The following ITGA1 variants were observed in gnomAD, a reference collection of about 807,000 sequenced individuals.
The protein encoded by ITGA1 is integrin alpha-1.
Under a neutral mutation model 145.9 loss-of-function variants are expected in ITGA1, and 85 were observed. That is an observed-to-expected ratio of 0.58 (90% CI 0.49 to 0.70). The LOEUF is 0.70. Ranked by LOEUF, ITGA1 falls within the 30% of genes least tolerant of loss-of-function variation. The pLI, the probability that ITGA1 is intolerant of heterozygous loss-of-function variation, is 0.00. For synonymous variants in ITGA1, 520 were observed against 495.3 expected, an observed-to-expected ratio of 1.05 and a Z score of -0.66; for missense variants, 1,351 against 1,418.7, an observed-to-expected ratio of 0.95 and a Z score of 0.77.
Position 52,905,833 on chromosome 5 carries a change from TCA to T in ITGA1, c.1381_1382del (p.His461TyrfsTer37). 1 of 1,613,744 alleles carries T rather than the reference TCA, an allele frequency of 6.2e-7. No homozygotes were observed. The highest frequency in any genetic ancestry group is 1.3e-5 in the African/African-American group (1 of 74,994). The part of the protein sequence containing the change: ...LYIAGQPRYN[H>X]TGQVIIYRME... ...ATATTGCTGGACAGCCTCGGTACAA[TCA>T]TACAGGCCAGGTCATTATCTACAGG... On this transcript the variant is annotated frameshift_variant, in exon 12 of 29. Transcript: ENST00000282588. LOFTEE classifies it high-confidence loss of function.
chr5:52,832,467 A>G (rs1179470821), intron 1 of ITGA1, among the ~76,000 whole-genome samples: 1 of 152,178 alleles, frequency 6.6e-6, no homozygotes, highest in Non-Finnish European at 1.5e-5. Context: ...GGAAGGGTCA[A>G]ATTAAATAAT....
chr5:52,830,161 A>C (rs569654910), intron 1 of ITGA1, among the ~76,000 whole-genome samples: 15 of 152,318 alleles, frequency 9.8e-5, no homozygotes, highest in Non-Finnish European at 1.6e-4. Context: ...ATCAGAACAC[A>C]TGAATTTAAA....
At chr5:52,834,988 A>G (rs1749141836) in intron 1 of ITGA1, among the ~76,000 whole-genome samples, 1 of 152,176 alleles carries the variant, frequency 6.6e-6, no homozygotes, top group Non-Finnish European at 1.5e-5. Flanking sequence ...AGGATAAAAG[A>G]GAAAGTAGAA....
intron 11 of ITGA1, 190 bp from the exon 12 acceptor site, chr5:52,905,573 G>A (rs1387552064): frequency 7.7e-6 from 3 of 391,590 alleles, no homozygotes; most frequent in Admixed American, 4.2e-5. Flanking sequence ...GGAGAAAGCA[G>A]TTGTGGTAGA....
chr5:52,818,471 C>G (rs1376894734), intron 1 of ITGA1, among the ~76,000 whole-genome samples: 1 of 152,182 alleles, frequency 6.6e-6, no homozygotes, highest in African/African-American at 2.4e-5. Context: ...TATCACTTAC[C>G]TGACAGCATC....
chr5:52,904,782 G>A (rs1212949961), intron 11 of ITGA1: 1 of 151,702 alleles, frequency 6.6e-6, no homozygotes, highest in Non-Finnish European at 1.5e-5. Context: ...GAACCCGGGA[G>A]GCGGAGCTTG....
chr5:52,814,375 T>G (rs1019501074), intron 1 of ITGA1, among the ~76,000 whole-genome samples: 1 of 152,066 alleles, frequency 6.6e-6, no homozygotes, highest in Non-Finnish European at 1.5e-5. Flanking sequence ...TAACCTCAGG[T>G]GATCTGCCTA....
Position 52,918,828 on chromosome 5 carries a change from A to C in ITGA1, c.2085A>C (p.Thr695=), listed in dbSNP as rs1361984581. 6.2e-7 allele frequency: 1 copy of C among 1,613,156 alleles called. No homozygotes were observed. Residue 695 remains threonine (T), a synonymous_variant, in exon 16 of 29, where the codon ACA becomes ACC. Transcript: ENST00000282588. ...ACTGCCATATGGAGGGAAAGGAAAC[A>C]GTATGCATAAATGCTACAGTGTGTT... ...KKNCHMEGKE[T]VCINATVCFD...
At chr5:52,912,755 T>TATA (rs67230011) in intron 14 of ITGA1, among the ~76,000 whole-genome samples, 2 of 125,786 alleles carry the variant, frequency 1.6e-5, no homozygotes, top group Non-Finnish European at 3.0e-5. Flanking sequence ...TATATATATA[T>TATA]TTTTTTTTTG....
chr5:52,807,930 T>C (rs1026090837), intron 1 of ITGA1, among the ~76,000 whole-genome samples: 2 of 152,188 alleles, frequency 1.3e-5, no homozygotes, highest in African/African-American at 4.8e-5. Context: ...CCCCTGGGTA[T>C]GCAAGGATGA....
At position 52,947,839 on chromosome 5, in the gene ITGA1, C is replaced by T. The variant is rs140878671; in HGVS notation, c.3495+378C>T. On this transcript the variant is annotated intron_variant, in intron 28 of 28. Transcript: ENST00000282588. Reference sequence around the variant, plus strand: ...TTATAGAGAAAGAAAAAATGAATTCCTATGTCAATTTAAGGATATATAAGC... The same window carrying T: ...TTATAGAGAAAGAAAAAATGAATTCTTATGTCAATTTAAGGATATATAAGC... Among the ~76,000 whole-genome samples, 208 of 151,964 alleles carry T rather than the reference C, an allele frequency of 1.4e-3. 1 individual carries two copies. Among genetic ancestry groups the T allele is most frequent in the African/African-American group, 4.8e-3 (201 of 41,466 alleles).
At chr5:52,920,009 T>C (rs1750707666) in intron 16 of ITGA1, among the ~76,000 whole-genome samples, 1 of 152,172 alleles carries the variant, frequency 6.6e-6, no homozygotes, top group Non-Finnish European at 1.5e-5. Flanking sequence ...AAGAATGTTT[T>C]AAGTGAAAAT....
At position 52,955,197 on chromosome 5, in the gene ITGA1, A is replaced by G. The variant is rs887897499; in HGVS notation, c.*2746A>G. The G allele has an allele frequency of 3.3e-5, 5 of 152,060 alleles. No individual in the cohort carries two copies. Among genetic ancestry groups the G allele is most frequent in the Admixed American group, 1.3e-4 (2 of 15,244 alleles). 9.4% of individuals were successfully genotyped at this position (152,060 alleles called of 1,614,324 possible). On this transcript the variant is annotated 3_prime_UTR_variant, in exon 29 of 29. Transcript: ENST00000282588. ...AGTCTCTGATTTGTATCATTTGCCAATTTCCATGGTCCAAATATTCTCTCT... is the reference window on the plus strand; with the variant it reads ...AGTCTCTGATTTGTATCATTTGCCAGTTTCCATGGTCCAAATATTCTCTCT...
At chr5:52,938,395 T>C (rs1182695387) in intron 24 of ITGA1, among the ~76,000 whole-genome samples, 4 of 152,218 alleles carry the variant, frequency 2.6e-5, no homozygotes, top group Admixed American at 1.3e-4. Flanking sequence ...AATTAATGTG[T>C]GCATGATGTC....
At chr5:52,929,547 A>G in intron 20 of ITGA1, 78 bp from the exon 21 acceptor site, 1 of 726,632 alleles carries the variant, frequency 1.4e-6, no homozygotes, top group Middle Eastern at 3.6e-4. Flanking sequence ...AGTTTAGGTA[A>G]TGTCATTTAT....
At chr5:52,875,335 G>T (rs1257862402) in intron 6 of ITGA1, among the ~76,000 whole-genome samples, 3 of 151,474 alleles carry the variant, frequency 2.0e-5, no homozygotes, top group Non-Finnish European at 4.4e-5. Context: ...CAGAAAATAT[G>T]ATTGTAAATC....
chr5:52,841,359 G>T (rs1281189409), intron 1 of ITGA1, among the ~76,000 whole-genome samples: 2 of 152,112 alleles, frequency 1.3e-5, no homozygotes, highest in Non-Finnish European at 2.9e-5. Context: ...CATTGGCCAA[G>T]GCCCTATAAT....
At chr5:52,863,601 G>A (rs1272605797) in intron 3 of ITGA1, among the ~76,000 whole-genome samples, 8 of 152,022 alleles carry the variant, frequency 5.3e-5, no homozygotes, top group Non-Finnish European at 1.2e-4. Flanking sequence ...GTGCCTTCAG[G>A]TGATTGTTTC....
chr5:52,895,505 C>G (rs1750210938), intron 9 of ITGA1, among the ~76,000 whole-genome samples: 1 of 152,080 alleles, frequency 6.6e-6, no homozygotes, highest in African/African-American at 2.4e-5. Flanking sequence ...ATGATAGAAA[C>G]AATCTGTAAA....
Sources: gnomAD v4.1 joint callset for allele counts (sites outside exome capture counted in the v4.1 genomes callset) on GRCh38, gnomAD v4.1.1 for gene constraint, MANE v1.5 for transcripts, NCBI Gene and HGNC (gene_info 2026-07-23, HGNC 2026-07-21) for gene names.